JARID2: variants seen among roughly 807,000 people sequenced by gnomAD.
JARID2 encodes the protein protein Jumonji.
A neutral mutation model predicts 125.6 loss-of-function variants in JARID2; 21 were observed. The observed-to-expected ratio is 0.17, with a 90% CI of 0.12 to 0.24. The LOEUF is 0.24. Ranked by LOEUF, JARID2 falls within the 10% of genes least tolerant of loss-of-function variation. JARID2 has a pLI of 1.00. For missense variants in JARID2, 1,303 were observed against 1,639.6 expected (o/e 0.79, Z 3.55); for synonymous variants, 736 against 661.6 (o/e 1.11, Z -1.73).
intron 1 of JARID2, among the ~76,000 whole-genome samples, chr6:15,292,312 C>A (rs11759847): frequency 0.039 from 5,924 of 152,236 alleles, 163 homozygotes; most frequent in South Asian, 0.11. Context: ...TGAGACACCG[C>A]GCCCAGCTGA....
intron 3 of JARID2, among the ~76,000 whole-genome samples, chr6:15,419,461 A>C (rs1387479812): frequency 2.0e-5 from 3 of 152,170 alleles, no homozygotes; most frequent in Non-Finnish European, 4.4e-5. Flanking sequence ...TTTTGTTTCT[A>C]GTATCATTTG....
rs187780345 is a variant in JARID2, at chr6:15,378,179, A to G, written c.181+3927A>G. Among the ~76,000 whole-genome samples the G allele has an allele frequency of 7.7e-3, 1,128 of 145,930 alleles. 15 individuals are homozygous for G. Among genetic ancestry groups the G allele is most frequent in the African/African-American group, 0.027 (1,069 of 39,598 alleles). ...TGGGATTACAGGGGTGAGCCACCCC[A>G]CCCGGCCCTCAATTTTTAATTTTTT... On this transcript the variant is annotated intron_variant, in intron 2 of 17. Transcript: ENST00000341776.
At chr6:15,418,029 T>A (rs1336346172) in intron 3 of JARID2, among the ~76,000 whole-genome samples, 1 of 152,130 alleles carries the variant, frequency 6.6e-6, no homozygotes, top group African/African-American at 2.4e-5. Context: ...AAGGACCCTG[T>A]GGTGTATGTT....
intron 8 of JARID2, among the ~76,000 whole-genome samples, chr6:15,504,209 G>A (rs1041325479): frequency 4.6e-5 from 7 of 151,098 alleles, no homozygotes; most frequent in African/African-American, 9.6e-5. Context: ...GGGGCCTTCC[G>A]CGCTTCTGCT....
chr6:15,263,527 C>G (rs1759966295), intron 1 of JARID2, among the ~76,000 whole-genome samples: 2 of 151,496 alleles, frequency 1.3e-5, no homozygotes, highest in African/African-American at 4.9e-5. Context: ...TCTGAATTTA[C>G]TAGATTTATT....
At chr6:15,404,239 T>C (rs537383733) in intron 2 of JARID2, among the ~76,000 whole-genome samples, 7 of 152,208 alleles carry the variant, frequency 4.6e-5, no homozygotes, top group South Asian at 4.2e-4. Flanking sequence ...CTGTGCTCCA[T>C]TGGAAGCTTC....
chr6:15,323,569 A>C (rs1762427711), intron 1 of JARID2, among the ~76,000 whole-genome samples: 1 of 152,194 alleles, frequency 6.6e-6, no homozygotes, highest in Non-Finnish European at 1.5e-5. Context: ...GTTTGGACTT[A>C]AGCATAAGAC....
At chr6:15,284,513 T>C (rs1760917104) in intron 1 of JARID2, among the ~76,000 whole-genome samples, 1 of 88,614 alleles carries the variant, frequency 1.1e-5, no homozygotes, top group African/African-American at 6.8e-5. Flanking sequence ...TTATAATCCT[T>C]TTTTTTTTTT....
intron 1 of JARID2, among the ~76,000 whole-genome samples, chr6:15,362,890 G>T (rs1763849985): frequency 6.6e-6 from 1 of 152,166 alleles, no homozygotes; most frequent in Non-Finnish European, 1.5e-5. Context: ...CCTGGATTTT[G>T]AAAGCAAATG....
chr6:15,254,832 G>A (rs1311155021), intron 1 of JARID2, among the ~76,000 whole-genome samples: 1 of 152,004 alleles, frequency 6.6e-6, no homozygotes, highest in African/African-American at 2.4e-5. Context: ...TTCAGGTCAG[G>A]AGTTCTAGAC....
At chr6:15,375,894 A>G (rs993713596) in intron 2 of JARID2, among the ~76,000 whole-genome samples, 1 of 152,232 alleles carries the variant, frequency 6.6e-6, no homozygotes, top group Non-Finnish European at 1.5e-5. Flanking sequence ...GGAAACAAAA[A>G]CACCCATATT....
At chr6:15,406,462 C>G (rs1329538602) in intron 2 of JARID2, among the ~76,000 whole-genome samples, 2 of 152,070 alleles carry the variant, frequency 1.3e-5, no homozygotes, top group African/African-American at 4.8e-5. Flanking sequence ...GCCTATGGCC[C>G]TTTAATTTGT....
chr6:15,283,483 G>GGC (rs2127381742), intron 1 of JARID2, among the ~76,000 whole-genome samples: 1 of 145,910 alleles, frequency 6.9e-6, no homozygotes, highest in Middle Eastern at 3.7e-3. Context: ...TGGGACTACA[G>GGC]GCATGCACCA....
intron 1 of JARID2, among the ~76,000 whole-genome samples, chr6:15,358,031 G>T (rs1211555012): frequency 2.6e-5 from 4 of 152,080 alleles, no homozygotes; most frequent in Admixed American, 6.5e-5. Flanking sequence ...TCTATTTACG[G>T]TAATTACTAG....
chr6:15,512,513 G>A, intron 14 of JARID2, 123 bp downstream of exon 14: 1 of 936,698 alleles, frequency 1.1e-6, no homozygotes, highest in Non-Finnish European at 1.6e-6. Flanking sequence ...TTTGGAATAT[G>A]TCTTTGAAAT....
At chr6:15,370,412 A>T (rs1391604577) in intron 1 of JARID2, among the ~76,000 whole-genome samples, 1 of 147,040 alleles carries the variant, frequency 6.8e-6, no homozygotes, top group Non-Finnish European at 1.5e-5. Flanking sequence ...GCACACGATC[A>T]CTGCAAGCTC....
chr6:15,381,341 CA>C (rs11358363), intron 2 of JARID2, among the ~76,000 whole-genome samples: 44,890 of 92,306 alleles, frequency 0.49, 8,807 homozygotes, highest in East Asian at 0.59. Context: ...ACTCCTGTCT[CA>C]AAAAAAAAAA....
intron 1 of JARID2, among the ~76,000 whole-genome samples, chr6:15,362,217 A>G (rs1763823412): frequency 6.6e-6 from 1 of 152,028 alleles, no homozygotes; most frequent in South Asian, 2.1e-4. Context: ...TTTGTCGAAA[A>G]TATATCAGTT....
chr6:15,255,221 C>T (rs1374291756), intron 1 of JARID2, among the ~76,000 whole-genome samples: 2 of 148,026 alleles, frequency 1.4e-5, no homozygotes, highest in Non-Finnish European at 3.0e-5. Flanking sequence ...TTTCCTGCCT[C>T]ATCCTCTCGA....
Sources: allele counts gnomAD v4.1 joint callset (sites outside exome capture counted in the v4.1 genomes callset), GRCh38; gene constraint gnomAD v4.1.1; transcripts MANE v1.5; gene names NCBI Gene and HGNC (gene_info 2026-07-23, HGNC 2026-07-21).